The following AGBL4 variants were observed in gnomAD, a reference collection of about 807,000 sequenced individuals.
AGBL4 encodes the protein cytosolic carboxypeptidase 6.
A neutral mutation model predicts 66.4 loss-of-function variants in AGBL4; 58 were observed. That is an observed-to-expected ratio of 0.87 (90% CI 0.71 to 1.09). The LOEUF is 1.09. Ranked by LOEUF, AGBL4 falls within the 50% of genes least tolerant of loss-of-function variation. The probability of loss-of-function intolerance (pLI) is 0.00; values close to 1 mark genes in which losing one functional copy is unlikely to be tolerated. For synonymous variants in AGBL4, 234 were observed against 222.9 expected, an observed-to-expected ratio of 1.05 and a Z score of -0.44; for missense variants, 579 against 631.0, an observed-to-expected ratio of 0.92 and a Z score of 0.88.
intron 10 of AGBL4, among the ~76,000 whole-genome samples, chr1:48,587,556 A>G (rs1300036322): frequency 6.6e-6 from 1 of 151,912 alleles, no homozygotes; most frequent in Non-Finnish European, 1.5e-5. Context: ...TGAGCCTAGG[A>G]GTGTGAGTTC....
At chr1:48,615,301 A>T (rs962793922) in intron 9 of AGBL4, among the ~76,000 whole-genome samples, 1 of 152,180 alleles carries the variant, frequency 6.6e-6, no homozygotes, top group African/African-American at 2.4e-5. Context: ...GCCTTTAGGC[A>T]ATTATGCTTT....
chr1:48,793,602 TTATTTATGTTCTC>T (rs1645601682), intron 6 of AGBL4, among the ~76,000 whole-genome samples: 2 of 152,160 alleles, frequency 1.3e-5, no homozygotes, highest in Non-Finnish European at 2.9e-5. Context: ...CCTGGCTCTT[TTATTTATGTTCTC>T]TCATTTTACT....
chr1:48,692,544 T>C (rs1164524453), intron 6 of AGBL4, among the ~76,000 whole-genome samples: 1 of 152,124 alleles, frequency 6.6e-6, no homozygotes, highest in African/African-American at 2.4e-5. Flanking sequence ...AAACAGTCTG[T>C]TTGCAAACAC....
chr1:49,619,487 A>T (rs570843949), intron 3 of AGBL4, among the ~76,000 whole-genome samples: 2 of 152,340 alleles, frequency 1.3e-5, no homozygotes, highest in East Asian at 3.9e-4. Flanking sequence ...ATCAAATGGA[A>T]AAACATTCCA....
intron 3 of AGBL4, among the ~76,000 whole-genome samples, chr1:49,583,062 T>A (rs1445424561): frequency 6.6e-6 from 1 of 152,190 alleles, no homozygotes; most frequent in African/African-American, 2.4e-5. Context: ...TAGGAGTATC[T>A]TTTATTTTAA....
At chr1:48,738,238 A>G (rs1386040784) in intron 6 of AGBL4, among the ~76,000 whole-genome samples, 1 of 152,230 alleles carries the variant, frequency 6.6e-6, no homozygotes. Flanking sequence ...ATGTAAGTCA[A>G]CAATCTACCT....
At chr1:48,977,338 G>T (rs1474006890) in intron 5 of AGBL4, among the ~76,000 whole-genome samples, 1 of 151,982 alleles carries the variant, frequency 6.6e-6, no homozygotes. Context: ...GAAGCAGTTG[G>T]CCTCATAGAT....
intron 3 of AGBL4, among the ~76,000 whole-genome samples, chr1:49,533,082 TC>T (rs1443911155): frequency 6.6e-6 from 1 of 152,200 alleles, no homozygotes; most frequent in Non-Finnish European, 1.5e-5. Context: ...TACTATGAAC[TC>T]ATTAACTGAT....
chr1:49,603,571 TAAAC>T (rs768454984), intron 3 of AGBL4, among the ~76,000 whole-genome samples: 6 of 135,028 alleles, frequency 4.4e-5, no homozygotes, highest in Non-Finnish European at 9.9e-5. Context: ...AATAAATAAA[TAAAC>T]AAATAAATAG....
chr1:49,910,064 G>T (rs1292526353), intron 1 of AGBL4, among the ~76,000 whole-genome samples: 1 of 152,146 alleles, frequency 6.6e-6, no homozygotes, highest in Non-Finnish European at 1.5e-5. Context: ...TCCACATTTA[G>T]ATAATACTTA....
chr1:48,662,511 T>C (rs1557862734), intron 7 of AGBL4, among the ~76,000 whole-genome samples: 1 of 152,242 alleles, frequency 6.6e-6, no homozygotes, highest in Non-Finnish European at 1.5e-5. Flanking sequence ...TTAACTTCTC[T>C]AAACTTCAGC....
chr1:48,914,969 C>A (rs1208190139), intron 5 of AGBL4, among the ~76,000 whole-genome samples: 1 of 152,222 alleles, frequency 6.6e-6, no homozygotes, highest in Non-Finnish European at 1.5e-5. Flanking sequence ...TCTGACCCCA[C>A]ACTAAACCAA....
At chr1:49,352,367 T>A (rs1643927718) in intron 3 of AGBL4, among the ~76,000 whole-genome samples, 1 of 20,578 alleles carries the variant, frequency 4.9e-5, no homozygotes, top group Non-Finnish European at 1.1e-4. Flanking sequence ...GAATTGAAGC[T>A]TTTTTTTTTT....
At chr1:48,769,519 G>C (rs1644698455) in intron 6 of AGBL4, among the ~76,000 whole-genome samples, 2 of 106,596 alleles carry the variant, frequency 1.9e-5, no homozygotes, top group African/African-American at 7.2e-5. Context: ...GTCCCAGGAG[G>C]ATTTAAAACA....
chr1:49,829,739 G>A (rs1645608564), intron 2 of AGBL4, among the ~76,000 whole-genome samples: 1 of 151,958 alleles, frequency 6.6e-6, no homozygotes, highest in Admixed American at 6.6e-5. Context: ...TGTATATTAG[G>A]TATTTCTCCC....
chr1:49,916,576 T>G (rs897859038), intron 1 of AGBL4, among the ~76,000 whole-genome samples: 4 of 152,190 alleles, frequency 2.6e-5, no homozygotes, highest in South Asian at 4.1e-4. Context: ...AAGAAATATG[T>G]GACTTTGTGA....
chr1:49,884,732 G>A (rs1647826388), intron 1 of AGBL4, among the ~76,000 whole-genome samples: 1 of 151,340 alleles, frequency 6.6e-6, no homozygotes. Context: ...TTCTAATAAT[G>A]TTATTATTAT....
intron 4 of AGBL4, among the ~76,000 whole-genome samples, chr1:49,110,852 C>A (rs1404351480): frequency 6.6e-6 from 1 of 152,174 alleles, no homozygotes; most frequent in Non-Finnish European, 1.5e-5. Flanking sequence ...TTTCCTCCTA[C>A]CTCTGGCCAT....
At chr1:49,688,897 C>T (rs537224737) in intron 3 of AGBL4, among the ~76,000 whole-genome samples, 10 of 152,236 alleles carry the variant, frequency 6.6e-5, no homozygotes, top group Admixed American at 2.0e-4. Context: ...CTGTTCAGAA[C>T]TTTTGCCCAT....
Sources: gnomAD v4.1 joint callset for allele counts (sites outside exome capture counted in the v4.1 genomes callset) on GRCh38, gnomAD v4.1.1 for gene constraint, MANE v1.5 for transcripts, NCBI Gene and HGNC (gene_info 2026-07-23, HGNC 2026-07-21) for gene names.